ARSG: variants seen among roughly 807,000 people sequenced by gnomAD.
ARSG encodes the protein arylsulfatase G.
Under a neutral mutation model 50.5 loss-of-function variants are expected in ARSG, and 37 were observed. The ratio of observed to expected loss-of-function variants is 0.73; its 90% CI spans 0.56 to 0.96. The LOEUF is 0.96. ARSG is among the 50% of genes least tolerant of loss of function. The probability of loss-of-function intolerance (pLI) is 0.00; values close to 1 mark genes in which losing one functional copy is unlikely to be tolerated. For missense variants in ARSG, 629 were observed against 675.3 expected (o/e 0.93, Z 0.76); for synonymous variants, 225 against 254.6 (o/e 0.88, Z 1.11).
chr17:68,387,833 G>T (rs1244697141), intron 9 of ARSG, among the ~76,000 whole-genome samples: 1 of 152,128 alleles, frequency 6.6e-6, no homozygotes, highest in Non-Finnish European at 1.5e-5. Context: ...GGAATTATGA[G>T]CATCAGAGAG....
rs1555757093 is a variant in ARSG at position 68,293,496 on chromosome 17, T to C, written c.-552+1928T>C. On this transcript the variant is annotated intron_variant, in intron 1 of 11. Coordinates refer to ENST00000621439, the MANE Select transcript of ARSG (RefSeq NM_001267727.2). The stretch of plus-strand genomic sequence containing the variant: ...TGGCTTTTGGGGAGCATGATTCTAA[T>C]AATAATAATAATAATAATAATAGAT... 2.2e-5 allele frequency among the ~76,000 whole-genome samples: 3 copies of C among 135,496 alleles called. No individual in the cohort carries two copies. In the South Asian group the frequency reaches 6.3e-4, roughly 28 times the overall value. 88.9% of individuals were successfully genotyped at this position (135,496 alleles called of 152,430 possible).
chr17:68,381,947 A>G lies in ARSG; in HGVS notation c.983-3117A>G, dbSNP rs1334284395. Among the ~76,000 whole-genome samples the G allele has an allele frequency of 4.2e-5, 6 of 144,034 alleles. No individual in the cohort carries two copies. The highest frequency in any genetic ancestry group is 1.5e-4 in the African/African-American group (6 of 39,302). 94.5% of individuals were successfully genotyped at this position (144,034 alleles called of 152,430 possible). A position where few individuals can be genotyped will look rare whatever the true frequency, so the allele number is the denominator to read the frequency against. The stretch of plus-strand genomic sequence containing the variant: ...CCGGCGTTCACATCTTGGCTCTATC[A>G]TTTTCTTTCTTTCCTTTTTTTTTTT... On this transcript the variant is annotated intron_variant, in intron 8 of 11. Coordinates refer to ENST00000621439, the MANE Select transcript of ARSG (RefSeq NM_001267727.2). The surrounding 1 kb of genome is among the most constrained non-coding windows in gnomAD (Gnocchi z 4.1).
rs903243014 is a variant in ARSG at position 68,367,585 on chromosome 17, G to A, written c.705-963G>A. ...TGCTCTTGGCTGGGAGTAGGACTGG[G>A]ACCTTTGCTTGGAAGCCACGCCAGC... On this transcript the variant is annotated intron_variant, in intron 6 of 11. Coordinates refer to ENST00000621439, the MANE Select transcript of ARSG (RefSeq NM_001267727.2). This position sits in a 1 kb window ranked among gnomAD's most constrained non-coding sequence, Gnocchi z 4.5. Among the ~76,000 whole-genome samples, 3 of 152,154 alleles carry A rather than the reference G, an allele frequency of 2.0e-5. No individual in the cohort carries two copies. Among genetic ancestry groups the A allele is most frequent in the African/African-American group, 4.8e-5 (2 of 41,424 alleles).
intron 1 of ARSG, among the ~76,000 whole-genome samples, chr17:68,275,242 A>G (rs2075476140): frequency 1.3e-5 from 2 of 152,206 alleles, no homozygotes; most frequent in South Asian, 4.1e-4. Flanking sequence ...TTTCCTAGTT[A>G]TAGGTTACTT....
chr17:68,278,299 G>C lies in ARSG; in HGVS notation c.-552+18873G>C, dbSNP rs2075589832. 3.7e-6 allele frequency: 6 copies of C among 1,613,262 alleles called. No individual in the cohort carries two copies. The East Asian group carries it at 1.3e-4, about 36-fold the overall frequency. On this transcript the variant is annotated intron_variant, in intron 1 of 11. Coordinates refer to the ARSG transcript ENST00000448504. ...GTATACACATTGGCTTTGGAACAAAGCTTTAATTTATTTTGGGTCATTCTT... is the reference window on the plus strand; with the variant it reads ...GTATACACATTGGCTTTGGAACAAACCTTTAATTTATTTTGGGTCATTCTT...
At chr17:68,407,294 C>T (rs1260864994) in intron 11 of ARSG, among the ~76,000 whole-genome samples, 1 of 152,154 alleles carries the variant, frequency 6.6e-6, no homozygotes, top group African/African-American at 2.4e-5. Flanking sequence ...AGTTTGAAAT[C>T]AGGTAGTGTG....
At chr17:68,322,639 T>C (rs9674512) in intron 2 of ARSG, among the ~76,000 whole-genome samples, 1 of 138,338 alleles carries the variant, frequency 7.2e-6, no homozygotes, top group South Asian at 2.4e-4. Context: ...AAAAAAAAAT[T>C]AAAAAAAAAA....
chr17:68,352,142 G>GAGAGAGGA (rs1258816991), intron 5 of ARSG, among the ~76,000 whole-genome samples: 1 of 84,062 alleles, frequency 1.2e-5, no homozygotes, highest in African/African-American at 4.6e-5. Context: ...GAGAGACAGA[G>GAGAGAGGA]GAGAGAGAGA....
chr17:68,409,464 C>G (rs1248664351), intron 11 of ARSG, among the ~76,000 whole-genome samples: 1 of 151,110 alleles, frequency 6.6e-6, no homozygotes, highest in Non-Finnish European at 1.5e-5. Flanking sequence ...GGGCTCTGTT[C>G]TGTTCCATTG....
chr17:68,433,776 T>TTTTTTTTTTG, the ARSG span, among the ~76,000 whole-genome samples: 1 of 63,124 alleles, frequency 1.6e-5, no homozygotes, highest in African/African-American at 5.1e-5. Context: ...TTTTTTTTTT[T>TTTTTTTTTTG]TTTTTTTTTT....
chr17:68,297,969 CTTTTTTT>C (rs56199177), intron 1 of ARSG, among the ~76,000 whole-genome samples: 7 of 132,064 alleles, frequency 5.3e-5, no homozygotes, highest in Admixed American at 1.5e-4. Flanking sequence ...TACTGTGACT[CTTTTTTT>C]TTTTTTTTTT....
chr17:68,410,051 A>T (rs921719537), intron 11 of ARSG, among the ~76,000 whole-genome samples: 8 of 151,338 alleles, frequency 5.3e-5, no homozygotes, highest in Admixed American at 4.6e-4. Context: ...CTAGATATAC[A>T]ATGATGTCGT....
At chr17:68,441,755 G>T in the ARSG span, among the ~76,000 whole-genome samples, 233 of 152,300 alleles carry the variant, frequency 1.5e-3, no homozygotes, top group Middle Eastern at 6.8e-3. Context: ...AACTCTGGGG[G>T]CTAAAAATGA....
At chr17:68,273,904 C>T (rs1217265023) in intron 1 of ARSG, 1 of 1,611,458 alleles carries the variant, frequency 6.2e-7, no homozygotes, top group Non-Finnish European at 8.5e-7. Context: ...TAGACAACTT[C>T]TGAGCCAAAG....
At chr17:68,377,601 C>T (rs747946132) in intron 8 of ARSG, among the ~76,000 whole-genome samples, 3 of 152,140 alleles carry the variant, frequency 2.0e-5, no homozygotes, top group African/African-American at 7.2e-5. Flanking sequence ...TTGCACCTGG[C>T]CTCTAATGAT....
chr17:68,338,266 A>G (rs749045778), intron 2 of ARSG, among the ~76,000 whole-genome samples: 2 of 152,078 alleles, frequency 1.3e-5, no homozygotes, highest in Non-Finnish European at 2.9e-5. Flanking sequence ...TTGGATGGTT[A>G]AGCCTCAAGG....
chr17:68,438,898 C>T, the ARSG span, among the ~76,000 whole-genome samples: 3 of 152,192 alleles, frequency 2.0e-5, no homozygotes, highest in Admixed American at 2.0e-4. Context: ...TCGTGCCTGG[C>T]CTAGCACATA....
At chr17:68,427,866 C>T in the ARSG span, among the ~76,000 whole-genome samples, 1 of 152,154 alleles carries the variant, frequency 6.6e-6, no homozygotes, top group Admixed American at 6.5e-5. Context: ...TGCCTGTTCA[C>T]AGAAGGCATG....
In ARSG at chr17:68,339,145, C is replaced by T. The variant is rs117762888; in HGVS notation, c.219-4459C>T. On this transcript the variant is annotated intron_variant, in intron 2 of 11. Coordinates refer to ENST00000621439, the MANE Select transcript of ARSG (RefSeq NM_001267727.2). ...AAGATAAAATTAGCCACTTTGTAGC[C>T]GGGCGTGGTGGCGCGTGCCTGTAGT... Among the ~76,000 whole-genome samples, 741 of 151,888 alleles carry T rather than the reference C, an allele frequency of 4.9e-3. 9 individuals are homozygous for T. The highest frequency in any genetic ancestry group is 7.3e-3 in the Non-Finnish European group (499 of 67,962).
Sources: allele counts gnomAD v4.1 joint callset (sites outside exome capture counted in the v4.1 genomes callset), GRCh38; gene constraint gnomAD v4.1.1; non-coding constraint Gnocchi (gnomAD v3.1); transcripts MANE v1.5; gene names NCBI Gene and HGNC (gene_info 2026-07-23, HGNC 2026-07-21).